The following ATG10 variants were observed in gnomAD, a reference collection of about 807,000 sequenced individuals.
ATG10 encodes autophagy related 10.
Under a neutral mutation model 32.1 loss-of-function variants are expected in ATG10, and 30 were observed. The observed-to-expected ratio is 0.94, with a 90% CI of 0.70 to 1.27. ATG10 has a LOEUF of 1.27. Ranked by LOEUF, ATG10 falls within the 50% of genes most tolerant of loss-of-function variation. The pLI, the probability that ATG10 is intolerant of heterozygous loss-of-function variation, is 0.00. For synonymous variants in ATG10, 87 were observed against 91.5 expected (o/e 0.95, Z 0.28); for missense variants, 233 against 262.3 (o/e 0.89, Z 0.77).
At chr5:82,059,111 A>C (rs1763691288) in intron 3 of ATG10, among the ~76,000 whole-genome samples, 1 of 152,072 alleles carries the variant, frequency 6.6e-6, no homozygotes, top group Non-Finnish European at 1.5e-5. Context: ...TCTGGGTCTT[A>C]TTCCTTAGGG....
chr5:82,083,268 C>T (rs1156884504), intron 3 of ATG10, among the ~76,000 whole-genome samples: 1 of 152,206 alleles, frequency 6.6e-6, no homozygotes, highest in African/African-American at 2.4e-5. Context: ...TGCAAGGCAG[C>T]AGTGAGGCTG....
At chr5:82,053,440 ATGTCTTTTGAC>A (rs1763489710) in intron 2 of ATG10, among the ~76,000 whole-genome samples, 3 of 133,268 alleles carry the variant, frequency 2.3e-5, no homozygotes, top group South Asian at 5.3e-4. Context: ...ACATTTTGAT[ATGTCTTTTGAC>A]TTTATGGTGT....
intron 5 of ATG10, among the ~76,000 whole-genome samples, chr5:82,183,671 A>T (rs972594448): frequency 5.3e-5 from 8 of 152,204 alleles, no homozygotes; most frequent in Middle Eastern, 3.4e-3. Context: ...TTCATTATTT[A>T]TTAGTTGGAC....
At chr5:82,107,458 A>C (rs1012417033) in intron 3 of ATG10, among the ~76,000 whole-genome samples, 2 of 152,078 alleles carry the variant, frequency 1.3e-5, no homozygotes, top group African/African-American at 4.8e-5. Context: ...CAACATTCTT[A>C]AGTTGCTTCT....
chr5:82,140,675 G>A (rs1767079534), intron 3 of ATG10, among the ~76,000 whole-genome samples: 1 of 49,452 alleles, frequency 2.0e-5, no homozygotes, highest in Non-Finnish European at 4.5e-5. Flanking sequence ...CGCCCCTACT[G>A]GGAAGTGAGG....
chr5:82,138,856 TCCCCCTC>T (rs1766893647), intron 3 of ATG10, among the ~76,000 whole-genome samples: 2 of 16,080 alleles, frequency 1.2e-4, no homozygotes, highest in African/African-American at 5.2e-4. Flanking sequence ...CCCCTCCCCC[TCCCCCTC>T]CCCCTCCCCC....
chr5:82,252,758 A>T, intron 6 of ATG10, 99 bp downstream of exon 6: 1 of 679,132 alleles, frequency 1.5e-6, no homozygotes, highest in African/African-American at 1.9e-5. Context: ...AGAAATATTA[A>T]TAATAATAAT....
chr5:82,126,972 C>G (rs1344155966), intron 3 of ATG10, among the ~76,000 whole-genome samples: 1 of 151,938 alleles, frequency 6.6e-6, no homozygotes, highest in African/African-American at 2.4e-5. Flanking sequence ...TGTTATTGGT[C>G]TATTCAGGAA....
At chr5:82,136,583 G>T (rs1415162328) in intron 3 of ATG10, among the ~76,000 whole-genome samples, 2 of 152,180 alleles carry the variant, frequency 1.3e-5, no homozygotes, top group Non-Finnish European at 2.9e-5. Context: ...TAGGGTTTCT[G>T]CAGAGAGATC....
intron 3 of ATG10, among the ~76,000 whole-genome samples, chr5:82,164,170 G>A (rs1743482572): frequency 6.6e-6 from 1 of 151,808 alleles, no homozygotes; most frequent in African/African-American, 2.4e-5. Context: ...GAGCCTCTTT[G>A]TGTCTCAAAA....
In ATG10 at chr5:82,225,917, T is replaced by C. The variant is rs1746113201; in HGVS notation, c.454-26645T>C. Among the ~76,000 whole-genome samples the C allele has an allele frequency of 2.6e-5, 4 of 152,372 alleles. No individual in the cohort carries two copies. In the South Asian group the frequency reaches 8.3e-4, roughly 32 times the overall value. ...TCTAGCTATGACTCAGATGGATCAC[T>C]ATGGTATATTGTTTATATGTAATAT... On this transcript the variant is annotated intron_variant, in intron 5 of 7. Transcript: ENST00000282185.
In ATG10 at chr5:82,044,331, G is replaced by A. The variant is rs573917100; in HGVS notation, c.109-14164G>A. On this transcript the variant is annotated intron_variant, in intron 2 of 7. Transcript: ENST00000282185. The stretch of plus-strand genomic sequence containing the variant: ...AGGGGAAAATCCAACCCCATGATCC[G>A]TTTACCTCCCACCAGGCCCCTCCTC... Among the ~76,000 whole-genome samples the A allele has an allele frequency of 1.2e-3, 176 of 152,208 alleles. 2 individuals carry two copies. Among genetic ancestry groups the A allele is most frequent in the Admixed American group, 2.3e-3 (35 of 15,288 alleles).
At chr5:82,251,059 G>T (rs1747237205) in intron 5 of ATG10, among the ~76,000 whole-genome samples, 2 of 152,188 alleles carry the variant, frequency 1.3e-5, no homozygotes, top group South Asian at 4.1e-4. Context: ...CACTCAGGGA[G>T]AAACAAATGC....
chr5:82,175,694 C>G (rs1743987580), intron 4 of ATG10, among the ~76,000 whole-genome samples: 2 of 152,190 alleles, frequency 1.3e-5, no homozygotes, highest in Non-Finnish European at 2.9e-5. Context: ...GCACCTCTCC[C>G]TGGAACGCTG....
At chr5:81,985,585 C>G (rs1026009253) in intron 1 of ATG10, among the ~76,000 whole-genome samples, 1 of 152,176 alleles carries the variant, frequency 6.6e-6, no homozygotes, top group Non-Finnish European at 1.5e-5. Context: ...AGACCTCTGT[C>G]TTACTCAATG....
intron 5 of ATG10, among the ~76,000 whole-genome samples, chr5:82,202,604 CT>C (rs1745111533): frequency 6.6e-6 from 1 of 152,202 alleles, no homozygotes; most frequent in Non-Finnish European, 1.5e-5. Context: ...CTCCCACACT[CT>C]AGGGATCTCA....
chr5:82,067,876 T>C (rs1763988998), intron 3 of ATG10, among the ~76,000 whole-genome samples: 1 of 152,180 alleles, frequency 6.6e-6, no homozygotes, highest in Non-Finnish European at 1.5e-5. Context: ...CATATAGTTG[T>C]AATTTTGAGG....
At chr5:82,094,107 G>C (rs1227164644) in intron 3 of ATG10, among the ~76,000 whole-genome samples, 1 of 152,010 alleles carries the variant, frequency 6.6e-6, no homozygotes, top group Admixed American at 6.6e-5. Context: ...GCACCTCATC[G>C]CGGGAAGCCT....
chr5:82,121,115 T>G (rs1039403676), intron 3 of ATG10, among the ~76,000 whole-genome samples: 1 of 152,218 alleles, frequency 6.6e-6, no homozygotes, highest in African/African-American at 2.4e-5. Context: ...GTCATGATAC[T>G]GGTTCTTTTA....
Sources: gnomAD v4.1 joint callset for allele counts (sites outside exome capture counted in the v4.1 genomes callset) on GRCh38, gnomAD v4.1.1 for gene constraint, MANE v1.5 for transcripts, NCBI Gene and HGNC (gene_info 2026-07-23, HGNC 2026-07-21) for gene names.